DDX50: variants seen among roughly 807,000 people sequenced by gnomAD.
DDX50 encodes the protein ATP-dependent RNA helicase DDX50.
A neutral mutation model predicts 94.8 loss-of-function variants in DDX50; 56 were observed. That is an observed-to-expected ratio of 0.59 (90% CI 0.48 to 0.74). The LOEUF (loss-of-function observed/expected upper bound fraction) is 0.74. Among genes scored for constraint, DDX50 ranks in the 30% least tolerant of loss-of-function variants. The pLI is 0.00. For synonymous variants in DDX50, 264 were observed against 295.4 expected (o/e 0.89, Z 1.09); for missense variants, 713 against 881.2 (o/e 0.81, Z 2.42).
At chr10:68,926,048 C>T (rs1275222184) in intron 8 of DDX50, among the ~76,000 whole-genome samples, 2 of 144,192 alleles carry the variant, frequency 1.4e-5, no homozygotes, top group Non-Finnish European at 3.0e-5. Context: ...TGTGGTGGCA[C>T]GTTCCTGTAT....
intron 4 of DDX50, among the ~76,000 whole-genome samples, chr10:68,912,821 C>T (rs1192416548): frequency 6.6e-6 from 1 of 152,148 alleles, no homozygotes; most frequent in Non-Finnish European, 1.5e-5. Flanking sequence ...TAAATTCCTG[C>T]CTTCATGGAG....
chr10:68,940,993 A>C, intron 12 of DDX50, 67 bp from the exon 13 acceptor site: 7 of 1,549,072 alleles, frequency 4.5e-6, no homozygotes, highest in Non-Finnish European at 6.1e-6. Flanking sequence ...GAAGGATTAT[A>C]GAGTTAGAAT....
At position 68,916,099 on chromosome 10, in the gene DDX50, T is replaced by C. The variant is rs969434998; in HGVS notation, c.1089+1895T>C. Among the ~76,000 whole-genome samples, 39 of 152,152 alleles carry C rather than the reference T, an allele frequency of 2.6e-4. 1 individual carries two copies. The stretch of plus-strand genomic sequence containing the variant: ...GGCCGGGCGTGGTAGCTCATGCCTG[T>C]AATCCCAGCACTCTGGGAGGCCGAG... On this transcript the variant is annotated intron_variant, in intron 7 of 14. Transcript: ENST00000373585.
chr10:68,924,229 C>A (rs903821337), intron 8 of DDX50, among the ~76,000 whole-genome samples: 1 of 151,862 alleles, frequency 6.6e-6, no homozygotes, highest in Non-Finnish European at 1.5e-5. Flanking sequence ...GCCTAGGCCT[C>A]CCAAAGTGCT....
intron 8 of DDX50, among the ~76,000 whole-genome samples, chr10:68,921,792 TCTTAAATATGTTA>T: frequency 6.6e-6 from 1 of 152,218 alleles, no homozygotes; most frequent in East Asian, 1.9e-4. Context: ...TCCTTCATTG[TCTTAAATATGTTA>T]CTTTACTGTT....
Position 68,934,126 on chromosome 10 carries a change from A to C in DDX50, c.1240-73A>C. Reference sequence around the variant, plus strand: ...ATTTAAAAACATGCAAAAGGAGCACAGACTAGATGTTGTTGTGCTATCAGT... The same window carrying C: ...ATTTAAAAACATGCAAAAGGAGCACCGACTAGATGTTGTTGTGCTATCAGT... On this transcript the variant is annotated intron_variant, in intron 8 of 14. Coordinates refer to ENST00000373585, the MANE Select transcript of DDX50 (RefSeq NM_024045.2). The surrounding 1 kb of genome is among the most constrained non-coding windows in gnomAD (Gnocchi z 4.0). 2 of 1,412,336 alleles carry C rather than the reference A, an allele frequency of 1.4e-6. No individual in the cohort carries two copies. The highest frequency in any genetic ancestry group is 1.9e-6 in the Non-Finnish European group (2 of 1,050,224). 87.5% of individuals were successfully genotyped at this position (1,412,336 alleles called of 1,614,324 possible).
At position 68,946,407 on chromosome 10, in the gene DDX50, T is replaced by C; in HGVS notation, c.1991T>C (p.Ile664Thr). Residue 664 changes from isoleucine (I) to threonine (T), a missense_variant, in exon 15 of 15, where the codon ATT becomes ACT. By Grantham distance (89) the Ile-to-Thr change is moderately conservative. This residue lies in a region of DDX50 where 428 missense variants were observed against 602.3 expected (regional missense o/e 0.71). Transcript: ENST00000373585. ...TCAGTGCCAGCCAAATTACCTGAAA[T>C]TGAAGAATATTATGATGGAAACACA... ...ILSVPAKLPE[I>T]EEYYDGNTSS... 6.2e-7 allele frequency: 1 copy of C among 1,614,184 alleles called. No homozygotes were observed. The highest frequency in any genetic ancestry group is 8.5e-7 in the Non-Finnish European group (1 of 1,180,016).
intron 7 of DDX50, among the ~76,000 whole-genome samples, chr10:68,918,860 A>T (rs1841873071): frequency 6.6e-6 from 1 of 152,258 alleles, no homozygotes; most frequent in Non-Finnish European, 1.5e-5. Context: ...GACCATATAT[A>T]TGATGGCATA....
chr10:68,925,603 G>C (rs2132043414), intron 8 of DDX50, among the ~76,000 whole-genome samples: 1 of 152,224 alleles, frequency 6.6e-6, no homozygotes, highest in Non-Finnish European at 1.5e-5. Context: ...TCCAGTATAG[G>C]CCAGGCATGC....
intron 1 of DDX50, among the ~76,000 whole-genome samples, chr10:68,903,411 T>C (rs1181891860): frequency 1.3e-5 from 2 of 151,816 alleles, no homozygotes; most frequent in East Asian, 3.9e-4. Flanking sequence ...CTCACTCCTG[T>C]AATCCCAGCA....
chr10:68,938,120 T>C (rs564277229), intron 12 of DDX50, among the ~76,000 whole-genome samples: 108 of 152,292 alleles, frequency 7.1e-4, no homozygotes, highest in Middle Eastern at 6.8e-3. Context: ...GAGAGAAATA[T>C]AGGAAATGCT....
At chr10:68,942,804 T>C (rs1220264888) in intron 13 of DDX50, among the ~76,000 whole-genome samples, 1 of 151,854 alleles carries the variant, frequency 6.6e-6, no homozygotes, top group African/African-American at 2.4e-5. Context: ...TTTGTAGAGA[T>C]GGAGTTTTCC....
At chr10:68,910,430 C>G in intron 3 of DDX50, 48 bp downstream of exon 3, 1 of 1,503,332 alleles carries the variant, frequency 6.7e-7, no homozygotes, top group Non-Finnish European at 9.0e-7. Context: ...TGAGACAGAG[C>G]CTCGCTCTGT....
chr10:68,929,733 T>G (rs1355197035), intron 8 of DDX50, among the ~76,000 whole-genome samples: 1 of 149,582 alleles, frequency 6.7e-6, no homozygotes, highest in Non-Finnish European at 1.5e-5. Flanking sequence ...CTCTTTTTTT[T>G]TTTTTTTTTT....
intron 2 of DDX50, among the ~76,000 whole-genome samples, chr10:68,909,026 G>A (rs1841550771): frequency 6.6e-6 from 1 of 151,790 alleles, no homozygotes; most frequent in Non-Finnish European, 1.5e-5. Flanking sequence ...AGGTCTCACT[G>A]TATTGCTCAG....
intron 12 of DDX50, among the ~76,000 whole-genome samples, chr10:68,940,018 C>T (rs1842519242): frequency 6.6e-6 from 1 of 152,180 alleles, no homozygotes; most frequent in South Asian, 2.1e-4. Context: ...CCCATATCTT[C>T]TTAATGTTGA....
rs749260203 is a variant in DDX50, at chr10:68,946,652, AG to A, written c.*23del. ...CTGAGTATTTGATAGTTAATCTACCAGTGTGAGCTTGCCTATTTCTGCCTAA... is the reference window on the plus strand; with the variant it reads ...CTGAGTATTTGATAGTTAATCTACCATGTGAGCTTGCCTATTTCTGCCTAA... On this transcript the variant is annotated 3_prime_UTR_variant, in exon 15 of 15. Transcript: ENST00000373585. 1 of 1,600,974 alleles carries A rather than the reference AG, an allele frequency of 6.2e-7. No homozygotes were observed.
At chr10:68,941,249 C>T (rs1245615528) in intron 13 of DDX50, 55 bp downstream of exon 13, 17 of 1,584,690 alleles carry the variant, frequency 1.1e-5, no homozygotes, top group African/African-American at 1.4e-5. Flanking sequence ...CAAATGTTTA[C>T]AAACACTAGC....
intron 13 of DDX50, among the ~76,000 whole-genome samples, chr10:68,942,779 A>G (rs968571508): frequency 6.6e-6 from 1 of 151,748 alleles, no homozygotes; most frequent in Non-Finnish European, 1.5e-5. Context: ...ACACCTGGAT[A>G]ATTTTTGCAT....
Sources: allele counts gnomAD v4.1 joint callset (sites outside exome capture counted in the v4.1 genomes callset), GRCh38; gene constraint gnomAD v4.1.1; regional missense constraint gnomAD v4.1.1; non-coding constraint Gnocchi (gnomAD v3.1); transcripts MANE v1.5; gene names NCBI Gene and HGNC (gene_info 2026-07-23, HGNC 2026-07-21).